ARFGAP1: variants seen among roughly 807,000 people sequenced by gnomAD.
The protein encoded by ARFGAP1 is ADP-ribosylation factor GTPase-activating protein 1.
Under a neutral mutation model 54.0 loss-of-function variants are expected in ARFGAP1, and 26 were observed. That is an observed-to-expected ratio of 0.48 (90% CI 0.35 to 0.67). The LOEUF (loss-of-function observed/expected upper bound fraction) is 0.67. Ranked by LOEUF, ARFGAP1 falls within the 30% of genes least tolerant of loss-of-function variation. The probability of loss-of-function intolerance (pLI) is 0.00; values close to 1 mark genes in which losing one functional copy is unlikely to be tolerated. For synonymous variants in ARFGAP1, 248 were observed against 211.9 expected (o/e 1.17, Z -1.48); for missense variants, 525 against 535.8 (o/e 0.98, Z 0.20).
At chr20:63,284,118 A>AT in intron 9 of ARFGAP1, 1 of 1,341,420 alleles carries the variant, frequency 7.5e-7, no homozygotes, top group South Asian at 2.0e-5. Context: ...GGGCAAAAAA[A>AT]TGAGACCCCC....
chr20:63,281,906 G>A (rs1198543517), intron 8 of ARFGAP1, among the ~76,000 whole-genome samples: 1 of 152,194 alleles, frequency 6.6e-6, no homozygotes, highest in Non-Finnish European at 1.5e-5. Flanking sequence ...GAGCAGGGCA[G>A]CGCGGGGCAG....
chr20:63,287,429 T>G, intron 12 of ARFGAP1, 135 bp from the exon 13 acceptor site: 2 of 729,308 alleles, frequency 2.7e-6, no homozygotes, highest in South Asian at 2.6e-5. Context: ...TCCCACCTGG[T>G]GGGGCTGCTG....
At position 63,284,875 on chromosome 20, in the gene ARFGAP1, C is replaced by G; in HGVS notation, c.727C>G (p.Leu243Val). 1 of 1,612,890 alleles carries G rather than the reference C, an allele frequency of 6.2e-7. No individual in the cohort carries two copies. The highest frequency in any genetic ancestry group is 8.5e-7 in the Non-Finnish European group (1 of 1,179,908). The change falls in exon 10 of 13, where the codon CTG (leucine) becomes GTG (valine). Residue 243 changes from leucine to valine, a missense_variant. This residue lies in a region of ARFGAP1 where 466 missense variants were observed against 453.6 expected (regional missense o/e 1.03). Coordinates refer to ENST00000370283, the MANE Select transcript of ARFGAP1 (RefSeq NM_018209.4). Reference sequence around the variant, plus strand: ...ACTTCCCTTCCTACAGGCGTCCGAGCTGGGCCACAGCCTGAACGAGAACGT... The same window carrying G: ...ACTTCCCTTCCTACAGGCGTCCGAGGTGGGCCACAGCCTGAACGAGAACGT... Reference protein sequence around the residue: ...GSQASQKASELGHSLNENVLK... With the variant: ...GSQASQKASEVGHSLNENVLK...
intron 8 of ARFGAP1, among the ~76,000 whole-genome samples, chr20:63,282,475 G>C (rs989055393): frequency 1.3e-5 from 2 of 152,266 alleles, no homozygotes; most frequent in Non-Finnish European, 2.9e-5. Context: ...CGCTGGTGTG[G>C]CTTCCCCAGC....
In ARFGAP1 at chr20:63,275,654, C is replaced by A; in HGVS notation, c.60+14C>A. The A allele has an allele frequency of 6.2e-7, 1 of 1,612,734 alleles. No homozygotes were observed. Among genetic ancestry groups the A allele is most frequent in the Non-Finnish European group, 8.5e-7 (1 of 1,179,176 alleles). On this transcript the variant is annotated intron_variant, in intron 2 of 12. Coordinates refer to ENST00000370283, the MANE Select transcript of ARFGAP1 (RefSeq NM_018209.4). The stretch of plus-strand genomic sequence containing the variant: ...GATGAGAACAACGTAAGCCTCTGCC[C>A]CCCACCCCCCGCCCTAAGGCTTGGT...
intron 9 of ARFGAP1, chr20:63,284,111 CA>C (rs1204830851): frequency 6.8e-6 from 9 of 1,328,496 alleles, no homozygotes; most frequent in South Asian, 2.0e-5. Context: ...TCCCCCCGGG[CA>C]AAAAAATGAG....
Position 63,276,005 on chromosome 20 carries a change from C to T in ARFGAP1, c.61-86C>T, listed in dbSNP as rs1004712812. The T allele has an allele frequency of 4.1e-5, 53 of 1,278,538 alleles. 1 individual carries two copies. In the African/African-American group the frequency reaches 4.7e-4, roughly 11 times the overall value. The allele number at this position is 1,278,538 out of a possible 1,614,324, so 79.2% of individuals were successfully genotyped here. The stretch of plus-strand genomic sequence containing the variant: ...GCCACCCTGGGCAGCCCTCTGCATT[C>T]GCTCCTTGAGGCCACCTGTCGGGTC... On this transcript the variant is annotated intron_variant, in intron 2 of 12. Transcript: ENST00000370283. This position sits in a 1 kb window ranked among gnomAD's most constrained non-coding sequence, Gnocchi z 5.2.
In ARFGAP1 at chr20:63,284,916, G is replaced by A. The variant is rs139966116; in HGVS notation, c.768G>A (p.Gln256=). The change falls in exon 10 of 13, where the codon CAG becomes CAA. Residue 256 remains glutamine, a synonymous_variant. Coordinates refer to ENST00000370283, the MANE Select transcript of ARFGAP1 (RefSeq NM_018209.4). The part of the protein sequence containing the change: ...SLNENVLKPA[Q]EKVKEGKIFD... Reference sequence around the variant, plus strand: ...ACGAGAACGTCCTCAAGCCTGCGCAGGAGAAGGTAACGGGCAGCTCCGGGT... The same window carrying A: ...ACGAGAACGTCCTCAAGCCTGCGCAAGAGAAGGTAACGGGCAGCTCCGGGT... 34 of 1,613,304 alleles carry A rather than the reference G, an allele frequency of 2.1e-5. No homozygotes were observed. The African/African-American group carries it at 4.1e-4, about 20-fold the overall frequency.
At chr20:63,274,964 C>T (rs1420310465) in intron 1 of ARFGAP1, among the ~76,000 whole-genome samples, 2 of 152,198 alleles carry the variant, frequency 1.3e-5, no homozygotes, top group African/African-American at 4.8e-5. Flanking sequence ...TCTCCTTGTC[C>T]TGCAGCAGCC....
intron 1 of ARFGAP1, among the ~76,000 whole-genome samples, chr20:63,274,764 C>G (rs1342257109): frequency 6.6e-6 from 1 of 152,178 alleles, no homozygotes; most frequent in African/African-American, 2.4e-5. Context: ...CTTCCTCCGG[C>G]TTTGAATCTT....
In ARFGAP1 at chr20:63,277,156, C is replaced by T. The variant is rs777600450; in HGVS notation, c.343-49C>T. On this transcript the variant is annotated intron_variant, in intron 4 of 12. Coordinates refer to ENST00000370283, the MANE Select transcript of ARFGAP1 (RefSeq NM_018209.4). ...CGCTGGAGTCGACGGTGCCCGAGGGCATCGCCAGGCGCCTTTATGCTCTCG... is the reference window on the plus strand; with the variant it reads ...CGCTGGAGTCGACGGTGCCCGAGGGTATCGCCAGGCGCCTTTATGCTCTCG... The T allele has an allele frequency of 4.6e-6, 7 of 1,536,868 alleles. No homozygotes were observed. In the East Asian group the frequency reaches 1.6e-4, roughly 35 times the overall value.
At chr20:63,285,947 TTGC>T (rs1254233504) in intron 11 of ARFGAP1, 3 of 1,497,330 alleles carry the variant, frequency 2.0e-6, no homozygotes, top group Non-Finnish European at 2.7e-6. Flanking sequence ...TGCTCTTATC[TTGC>T]TGCTGCTGGC....
Position 63,276,451 on chromosome 20 carries a change from G to T in ARFGAP1, c.171-29G>T. On this transcript the variant is annotated intron_variant, in intron 3 of 12. Transcript: ENST00000370283. The surrounding 1 kb of genome is among the most constrained non-coding windows in gnomAD (Gnocchi z 5.2). ...GTGTCCCTGGGTGTCCCCGGTGCTG[G>T]TTGATCTGCTCGATCCTCTGCTTTC... 6.3e-7 allele frequency: 1 copy of T among 1,595,590 alleles called. No homozygotes were observed. Among genetic ancestry groups the T allele is most frequent in the Non-Finnish European group, 8.6e-7 (1 of 1,169,328 alleles).
chr20:63,275,963 C>G, intron 2 of ARFGAP1, 128 bp from the exon 3 acceptor site: 1 of 810,934 alleles, frequency 1.2e-6, no homozygotes. Context: ...CACGCCTTGC[C>G]CTGACCCACA....
At chr20:63,281,712 C>A (rs1166458776) in intron 8 of ARFGAP1, among the ~76,000 whole-genome samples, 1 of 152,168 alleles carries the variant, frequency 6.6e-6, no homozygotes, top group Non-Finnish European at 1.5e-5. Context: ...GGGCTCAAGT[C>A]GTGTTTTGAG....
intron 1 of ARFGAP1, among the ~76,000 whole-genome samples, chr20:63,275,032 G>A (rs574389037): frequency 1.6e-4 from 25 of 152,318 alleles, no homozygotes; most frequent in Admixed American, 3.3e-4. Flanking sequence ...AGGTCCCCCA[G>A]CAGGCTGGAC....
intron 5 of ARFGAP1, 111 bp downstream of exon 5, chr20:63,277,416 C>T: frequency 1.0e-6 from 1 of 955,470 alleles, no homozygotes; most frequent in South Asian, 2.1e-5. Context: ...GCTCTTTTCC[C>T]AGAAGTCAGT....
rs775378743 is a variant in ARFGAP1, at chr20:63,275,657, C to G, written c.60+17C>G. 11 of 1,611,206 alleles carry G rather than the reference C, an allele frequency of 6.8e-6. No homozygotes were observed. Among genetic ancestry groups the G allele is most frequent in the Non-Finnish European group, 9.3e-6 (11 of 1,177,898 alleles). ...GAGAACAACGTAAGCCTCTGCCCCC[C>G]ACCCCCCGCCCTAAGGCTTGGTCAG... On this transcript the variant is annotated intron_variant, in intron 2 of 12. Transcript: ENST00000370283.
chr20:63,285,050 C>T (rs1291791852), intron 10 of ARFGAP1, 128 bp downstream of exon 10: 11 of 1,115,920 alleles, frequency 9.9e-6, no homozygotes, highest in Non-Finnish European at 1.3e-5. Context: ...CACACCCCAC[C>T]TCTCCAGCAC....
Sources: allele counts gnomAD v4.1 joint callset (sites outside exome capture counted in the v4.1 genomes callset), GRCh38; gene constraint gnomAD v4.1.1; regional missense constraint gnomAD v4.1.1; non-coding constraint Gnocchi (gnomAD v3.1); transcripts MANE v1.5; gene names NCBI Gene and HGNC (gene_info 2026-07-23, HGNC 2026-07-21).